PDE4B: variants seen among roughly 807,000 people sequenced by gnomAD.
The protein encoded by PDE4B is 3',5'-cyclic-AMP phosphodiesterase 4B.
A neutral mutation model predicts 82.2 loss-of-function variants in PDE4B; 20 were observed. The ratio of observed to expected loss-of-function variants is 0.24; its 90% CI spans 0.17 to 0.35. The LOEUF (loss-of-function observed/expected upper bound fraction) is 0.35. Ranked by LOEUF, PDE4B falls within the 10% of genes least tolerant of loss-of-function variation. The pLI, the probability that PDE4B is intolerant of heterozygous loss-of-function variation, is 1.00. For synonymous variants in PDE4B, 320 were observed against 318.9 expected (o/e 1.00, Z -0.04); for missense variants, 655 against 907.2 (o/e 0.72, Z 3.57).
chr1:65,832,465 A>T (rs1330996194), intron 1 of PDE4B, among the ~76,000 whole-genome samples: 1 of 152,208 alleles, frequency 6.6e-6, no homozygotes, highest in African/African-American at 2.4e-5. Flanking sequence ...TATGACTCTA[A>T]TTTCTATGTG....
intron 8 of PDE4B, among the ~76,000 whole-genome samples, chr1:66,349,177 A>G (rs1400860071): frequency 6.6e-6 from 1 of 152,154 alleles, no homozygotes; most frequent in Non-Finnish European, 1.5e-5. Context: ...ATATTTTTCA[A>G]TTCTGTATGA....
In PDE4B at chr1:66,070,648, CA is replaced by C. The variant is rs553817469; in HGVS notation, c.281+151815del. 2.5e-4 allele frequency among the ~76,000 whole-genome samples: 38 copies of C among 151,714 alleles called. 1 individual carries two copies. In the South Asian group the frequency reaches 7.7e-3, roughly 31 times the overall value. The stretch of plus-strand genomic sequence containing the variant: ...GAAACAATTACCATAAAATATCGAC[CA>C]ACAAAGATATTAGGAAGCAGGAAAG... On this transcript the variant is annotated intron_variant, in intron 3 of 16. Transcript: ENST00000341517.
At chr1:66,308,879 G>T (rs1357023725) in intron 7 of PDE4B, among the ~76,000 whole-genome samples, 1 of 152,114 alleles carries the variant, frequency 6.6e-6, no homozygotes, top group Non-Finnish European at 1.5e-5. Context: ...ATTGCATTTA[G>T]ATATAGTTAC....
At chr1:65,932,158 G>A (rs1235235844) in intron 3 of PDE4B, among the ~76,000 whole-genome samples, 2 of 151,466 alleles carry the variant, frequency 1.3e-5, no homozygotes, top group Non-Finnish European at 2.9e-5. Context: ...GCTGCCTTGG[G>A]GCCAATGAGA....
chr1:66,242,177 A>T (rs1056808104), intron 3 of PDE4B, among the ~76,000 whole-genome samples: 1 of 152,120 alleles, frequency 6.6e-6, no homozygotes, highest in African/African-American at 2.4e-5. Context: ...TGTAATGAAA[A>T]GAGGTCACAC....
chr1:66,230,239 G>T (rs1651842804), intron 3 of PDE4B, among the ~76,000 whole-genome samples: 1 of 152,190 alleles, frequency 6.6e-6, no homozygotes, highest in African/African-American at 2.4e-5. Flanking sequence ...GGAGTACAAA[G>T]AACATAAGCA....
chr1:65,815,508 G>T (rs1283996636), intron 1 of PDE4B, among the ~76,000 whole-genome samples: 3 of 151,994 alleles, frequency 2.0e-5, no homozygotes, highest in African/African-American at 7.2e-5. Context: ...ATGCTGGAAT[G>T]GTAAAAGGAC....
chr1:66,283,739 AGGAGGT>A (rs1656459232), intron 7 of PDE4B, among the ~76,000 whole-genome samples: 1 of 152,112 alleles, frequency 6.6e-6, no homozygotes, highest in Admixed American at 6.6e-5. Flanking sequence ...GCCATCCTGG[AGGAGGT>A]GGGGTTAACA....
At chr1:65,927,213 A>G (rs2100504297) in intron 3 of PDE4B, among the ~76,000 whole-genome samples, 1 of 151,968 alleles carries the variant, frequency 6.6e-6, no homozygotes, top group East Asian at 1.9e-4. Context: ...AACATTGTTT[A>G]GTTTTTTCAA....
intron 1 of PDE4B, among the ~76,000 whole-genome samples, chr1:65,897,064 C>T (rs960883745): frequency 8.5e-5 from 13 of 152,070 alleles, no homozygotes; most frequent in South Asian, 2.1e-4. Flanking sequence ...AAGACTTTGC[C>T]AGGCATCACT....
chr1:66,260,607 G>A (rs1274601705), intron 6 of PDE4B, among the ~76,000 whole-genome samples: 1 of 152,170 alleles, frequency 6.6e-6, no homozygotes, highest in Non-Finnish European at 1.5e-5. Flanking sequence ...GGGAGAAGGC[G>A]GGGTGGGTGG....
In PDE4B at chr1:66,259,838, C is replaced by A. The variant is rs149422370; in HGVS notation, c.584+1975C>A. ...GAAAATTATATTTGCAGGATTGATT[C>A]CTTCTCTATGTTTTTTTCTTTGTAG... On this transcript the variant is annotated intron_variant, in intron 6 of 16. Coordinates refer to ENST00000341517, the MANE Select transcript of PDE4B (RefSeq NM_002600.4). Among the ~76,000 whole-genome samples the A allele has an allele frequency of 5.1e-3, 782 of 152,172 alleles. 6 individuals are homozygous for A. The highest frequency in any genetic ancestry group is 0.037 in the Middle Eastern group (11 of 294).
intron 8 of PDE4B, among the ~76,000 whole-genome samples, chr1:66,336,908 T>G (rs693826): frequency 0.68 from 104,201 of 152,120 alleles, 36,427 homozygotes; most frequent in East Asian, 0.89. Context: ...AAAGTCACAC[T>G]ATTCTACCAG....
chr1:66,091,655 T>C (rs1645027521), intron 3 of PDE4B, among the ~76,000 whole-genome samples: 1 of 151,980 alleles, frequency 6.6e-6, no homozygotes, highest in Admixed American at 6.6e-5. Context: ...ACATGAGAGG[T>C]CATTTATTAA....
chr1:65,963,319 G>T (rs1649643964), intron 3 of PDE4B, among the ~76,000 whole-genome samples: 1 of 152,184 alleles, frequency 6.6e-6, no homozygotes, highest in Non-Finnish European at 1.5e-5. Context: ...CTGCCCTCCA[G>T]CTCCTTGAAG....
chr1:66,322,831 A>G (rs72926330), intron 7 of PDE4B, among the ~76,000 whole-genome samples: 1,702 of 152,148 alleles, frequency 0.011, 38 homozygotes, highest in African/African-American at 0.039. Flanking sequence ...GTGTTTTGGT[A>G]TGGTTTACCT....
At chr1:65,824,400 T>G (rs911074737) in intron 1 of PDE4B, among the ~76,000 whole-genome samples, 1 of 152,018 alleles carries the variant, frequency 6.6e-6, no homozygotes, top group Non-Finnish European at 1.5e-5. Flanking sequence ...AGTGTGAGTA[T>G]GCTTAAAGAA....
intron 3 of PDE4B, among the ~76,000 whole-genome samples, chr1:66,107,963 A>T (rs1454665960): frequency 2.0e-5 from 3 of 151,956 alleles, no homozygotes; most frequent in African/African-American, 7.2e-5. Flanking sequence ...ATACACATTT[A>T]TTTTTTTAAA....
At chr1:66,036,075 C>CA (rs748392684) in intron 3 of PDE4B, among the ~76,000 whole-genome samples, 100 of 152,240 alleles carry the variant, frequency 6.6e-4, no homozygotes, top group Admixed American at 9.8e-4. Flanking sequence ...TTTTAATTTG[C>CA]ATTTTACTAA....
Sources: gnomAD v4.1 joint callset for allele counts (sites outside exome capture counted in the v4.1 genomes callset) on GRCh38, gnomAD v4.1.1 for gene constraint, MANE v1.5 for transcripts, NCBI Gene and HGNC (gene_info 2026-07-23, HGNC 2026-07-21) for gene names.